The following RBFOX1 variants were observed in gnomAD, a reference collection of about 807,000 sequenced individuals.
The protein encoded by RBFOX1 is RNA binding fox-1 homolog 1, also known as RNA binding protein fox-1 homolog 1.
RBFOX1 carries 8 observed loss-of-function variants against 57.7 expected under a neutral mutation model. The ratio of observed to expected loss-of-function variants is 0.14; its 90% CI spans 0.08 to 0.25. The LOEUF (loss-of-function observed/expected upper bound fraction) is 0.25. Among genes scored for constraint, RBFOX1 ranks in the 10% least tolerant of loss-of-function variants. RBFOX1 has a pLI of 1.00. For missense variants in RBFOX1, 611 were observed against 548.5 expected, an observed-to-expected ratio of 1.11 and a Z score of -1.14; for synonymous variants, 326 against 222.4, an observed-to-expected ratio of 1.47 and a Z score of -4.15.
chr16:7,625,646 GA>G (rs1213992724), intron 10 of RBFOX1, among the ~76,000 whole-genome samples: 1 of 152,124 alleles, frequency 6.6e-6, no homozygotes, highest in Non-Finnish European at 1.5e-5. Flanking sequence ...AGGCAGTTGA[GA>G]TGTTCCGTTC....
At chr16:7,043,161 A>G (rs1345383249) in intron 3 of RBFOX1, among the ~76,000 whole-genome samples, 5 of 152,094 alleles carry the variant, frequency 3.3e-5, no homozygotes, top group East Asian at 1.9e-4. Flanking sequence ...GGTTAGATCA[A>G]GGGTCTCAGC....
chr16:6,992,584 C>G (rs1404735742), intron 3 of RBFOX1, among the ~76,000 whole-genome samples: 3 of 152,082 alleles, frequency 2.0e-5, no homozygotes, highest in African/African-American at 4.8e-5. Flanking sequence ...CGTGGTATTT[C>G]TCTGTGGTGT....
intron 3 of RBFOX1, among the ~76,000 whole-genome samples, chr16:5,778,927 A>C (rs2054237125): frequency 6.6e-6 from 1 of 152,224 alleles, no homozygotes; most frequent in Non-Finnish European, 1.5e-5. Context: ...TGTCTGGCAT[A>C]TAAAGCACTC....
At chr16:7,408,357 T>G (rs2098381762) in intron 4 of RBFOX1, among the ~76,000 whole-genome samples, 1 of 152,176 alleles carries the variant, frequency 6.6e-6, no homozygotes, top group South Asian at 2.1e-4. Context: ...CATTTTGAAA[T>G]TTTAAAAAAT....
chr16:7,376,852 C>G (rs1038714439), intron 4 of RBFOX1, among the ~76,000 whole-genome samples: 3 of 152,160 alleles, frequency 2.0e-5, no homozygotes, highest in African/African-American at 7.2e-5. Context: ...GTGGTCATCT[C>G]TCTTGAAACA....
chr16:6,686,599 A>G (rs942239045), intron 3 of RBFOX1, among the ~76,000 whole-genome samples: 2 of 152,244 alleles, frequency 1.3e-5, no homozygotes, highest in East Asian at 3.8e-4. Flanking sequence ...GGGGTGAGAC[A>G]GCAGTGGAGT....
chr16:5,341,309 G>A (rs1011267047), intron 1 of RBFOX1, among the ~76,000 whole-genome samples: 1 of 152,176 alleles, frequency 6.6e-6, no homozygotes, highest in African/African-American at 2.4e-5. Flanking sequence ...GATTTATATT[G>A]AGTAATACTG....
At chr16:6,044,256 A>T (rs2095472204) in intron 1 of RBFOX1, among the ~76,000 whole-genome samples, 1 of 152,134 alleles carries the variant, frequency 6.6e-6, no homozygotes, top group Non-Finnish European at 1.5e-5. Flanking sequence ...GTTGATGTGA[A>T]CCCCGAATCC....
intron 2 of RBFOX1, among the ~76,000 whole-genome samples, chr16:6,508,882 A>T (rs975262880): frequency 1.3e-5 from 2 of 150,454 alleles, no homozygotes; most frequent in Admixed American, 1.3e-4. Flanking sequence ...AAAAAAAAAA[A>T]TAAAGATTCT....
chr16:5,735,350 A>T (rs1230331113), intron 3 of RBFOX1, among the ~76,000 whole-genome samples: 1 of 152,212 alleles, frequency 6.6e-6, no homozygotes, highest in African/African-American at 2.4e-5. Flanking sequence ...TATTGCCTGA[A>T]TTCATTCTTC....
chr16:6,666,029 A>T (rs534349388), intron 3 of RBFOX1, among the ~76,000 whole-genome samples: 1 of 152,180 alleles, frequency 6.6e-6, no homozygotes, highest in South Asian at 2.1e-4. Context: ...CCGAGATCTG[A>T]TGGTTTTATA....
chr16:6,458,771 A>G (rs1043912584), intron 2 of RBFOX1, among the ~76,000 whole-genome samples: 3 of 152,238 alleles, frequency 2.0e-5, no homozygotes, highest in African/African-American at 4.8e-5. Flanking sequence ...CAGATATACG[A>G]CAGAGTTGCA....
intron 4 of RBFOX1, among the ~76,000 whole-genome samples, chr16:7,198,422 G>T (rs2087368463): frequency 6.6e-6 from 1 of 152,206 alleles, no homozygotes; most frequent in African/African-American, 2.4e-5. Flanking sequence ...CTTAAAAATA[G>T]TTAATTTTAT....
chr16:7,579,887 G>A lies in RBFOX1; in HGVS notation c.381G>A (p.Arg127=). The change falls in exon 6 of 16, where the codon AGG becomes AGA. Residue 127 remains arginine (R), a synonymous_variant. Coordinates refer to ENST00000550418, the MANE Select transcript of RBFOX1 (RefSeq NM_018723.4). ...KRLHVSNIPF[R]FRDPDLRQMF... ...TGCATGTCTCCAATATCCCCTTCAG[G>A]TTCCGGGATCCGGACCTCAGACAAA... is the stretch of plus-strand genomic sequence containing the variant. The A allele has an allele frequency of 6.2e-7, 1 of 1,614,040 alleles. No individual in the cohort carries two copies. The highest frequency in any genetic ancestry group is 1.7e-5 in the Admixed American group (1 of 60,008).
intron 1 of RBFOX1, among the ~76,000 whole-genome samples, chr16:5,404,169 T>G (rs931475309): frequency 6.6e-6 from 1 of 151,964 alleles, no homozygotes; most frequent in South Asian, 2.1e-4. Flanking sequence ...TGGGGGTGGA[T>G]GGTGAGGAAT....
chr16:6,260,851 A>G (rs2097697683), intron 1 of RBFOX1, among the ~76,000 whole-genome samples: 1 of 152,152 alleles, frequency 6.6e-6, no homozygotes, highest in Non-Finnish European at 1.5e-5. Flanking sequence ...ACTTCCTTCC[A>G]GCCTGGGCAA....
chr16:5,989,123 A>ATCCTG (rs1472142779), intron 4 of RBFOX1, among the ~76,000 whole-genome samples: 6 of 151,506 alleles, frequency 4.0e-5, no homozygotes, highest in African/African-American at 1.5e-4. Context: ...GATCGAGACC[A>ATCCTG]TCCTGACTAA....
intron 3 of RBFOX1, chr16:6,704,173 T>C (rs1212402082): frequency 6.6e-6 from 1 of 152,190 alleles, no homozygotes; most frequent in Non-Finnish European, 1.5e-5. Context: ...ATCATCCCCA[T>C]GTTGTGTGTA....
chr16:7,190,528 T>G (rs1218412956), intron 4 of RBFOX1, among the ~76,000 whole-genome samples: 1 of 152,050 alleles, frequency 6.6e-6, no homozygotes, highest in African/African-American at 2.4e-5. Context: ...CTCTGATCTC[T>G]ATCTGATGAG....
Sources: gnomAD v4.1 joint callset for allele counts (sites outside exome capture counted in the v4.1 genomes callset) on GRCh38, gnomAD v4.1.1 for gene constraint, MANE v1.5 for transcripts, NCBI Gene and HGNC (gene_info 2026-07-23, HGNC 2026-07-21) for gene names.